CDH3: variants seen among roughly 807,000 people sequenced by gnomAD.
CDH3 encodes cadherin 3.
In CDH3, 54 loss-of-function variants were observed where a neutral mutation model predicts 82.0. The ratio of observed to expected loss-of-function variants is 0.66; its 90% CI spans 0.53 to 0.83. The LOEUF (loss-of-function observed/expected upper bound fraction) is 0.83, where lower values mean the gene tolerates loss of function less well. CDH3 is among the 40% of genes least tolerant of loss of function. The pLI, the probability that CDH3 is intolerant of heterozygous loss-of-function variation, is 0.00. For missense variants in CDH3, 1,054 were observed against 1,084.6 expected (o/e 0.97, Z 0.40); for synonymous variants, 446 against 437.9 (o/e 1.02, Z -0.23).
intron 6 of CDH3, 121 bp from the exon 7 acceptor site, chr16:68,679,678 G>C: frequency 1.5e-6 from 1 of 648,474 alleles, no homozygotes; most frequent in South Asian, 1.8e-5. Flanking sequence ...CTGGGTGATA[G>C]AGTGAGACTT....
chr16:68,676,995 C>A (rs1237773070), intron 3 of CDH3, among the ~76,000 whole-genome samples: 1 of 152,206 alleles, frequency 6.6e-6, no homozygotes, highest in Non-Finnish European at 1.5e-5. Context: ...CCCTTCACCC[C>A]TTCACGCAGT....
intron 13 of CDH3, 90 bp downstream of exon 13, chr16:68,692,016 C>G (rs1414578277): frequency 3.0e-6 from 3 of 1,012,770 alleles, no homozygotes; most frequent in Admixed American, 4.4e-5. Context: ...AACTAAGAGG[C>G]CACCAACATT....
At chr16:68,665,113 T>C (rs1173647898) in intron 2 of CDH3, among the ~76,000 whole-genome samples, 2 of 152,124 alleles carry the variant, frequency 1.3e-5, no homozygotes, top group African/African-American at 2.4e-5. Flanking sequence ...ATTGTGCTTT[T>C]TAAAGCACAA....
chr16:68,686,441 C>T (rs4783664), intron 11 of CDH3: 655,624 of 1,362,024 alleles, frequency 0.48, 161,974 homozygotes, highest in East Asian at 0.59. Flanking sequence ...TTGAAAGGAG[C>T]GCCGCTGAAA....
intron 1 of CDH3, among the ~76,000 whole-genome samples, chr16:68,712,791 C>G (rs918832098): frequency 1.3e-5 from 2 of 152,036 alleles, no homozygotes; most frequent in African/African-American, 4.8e-5. Flanking sequence ...AAGCAATTCT[C>G]CTGCCTCAGC....
intron 2 of CDH3, among the ~76,000 whole-genome samples, chr16:68,654,713 A>AAAAAAAT (rs113117523): frequency 2.3e-4 from 21 of 91,124 alleles, no homozygotes; most frequent in African/African-American, 8.2e-4. Context: ...AAAAAAAAAA[A>AAAAAAAT]ATATATATAT....
At chr16:68,677,197 C>T (rs754713038) in intron 3 of CDH3, among the ~76,000 whole-genome samples, 11 of 152,272 alleles carry the variant, frequency 7.2e-5, no homozygotes, top group Non-Finnish European at 1.5e-4. Context: ...TCTTTTTCTA[C>T]TTAACAGTGT....
chr16:68,645,374 G>A lies in CDH3; in HGVS notation c.-6G>A, dbSNP rs1286098791. The A allele has an allele frequency of 1.9e-6, 3 of 1,613,088 alleles. No homozygotes were observed. The highest frequency in any genetic ancestry group is 1.7e-5 in the Admixed American group (1 of 60,008). On this transcript the variant is annotated 5_prime_UTR_variant, in exon 1 of 16. Coordinates refer to ENST00000264012, the MANE Select transcript of CDH3 (RefSeq NM_001793.6). ...CGGCAGCTGCTTCACCCCTCTCTCT[G>A]CAGCCATGGGGCTCCCTCGTGGACC... is the stretch of plus-strand genomic sequence containing the variant.
chr16:68,680,753 C>G (rs1024065137), intron 7 of CDH3, among the ~76,000 whole-genome samples: 47 of 152,140 alleles, frequency 3.1e-4, no homozygotes, highest in Non-Finnish European at 1.6e-4. Context: ...AGGACAGGCC[C>G]AGGAGAACTA....
At chr16:68,647,172 G>A (rs1458056384) in intron 2 of CDH3, among the ~76,000 whole-genome samples, 1 of 152,134 alleles carries the variant, frequency 6.6e-6, no homozygotes, top group Non-Finnish European at 1.5e-5. Flanking sequence ...CTGTAAAAAT[G>A]TGAATTCGGG....
intron 2 of CDH3, among the ~76,000 whole-genome samples, chr16:68,671,536 T>TC (rs1411752570): frequency 6.7e-6 from 1 of 149,730 alleles, no homozygotes; most frequent in Non-Finnish European, 1.5e-5. Flanking sequence ...TTTTTTTTTT[T>TC]TTTTGAGATG....
chr16:68,691,674 C>A (rs1436356761), intron 12 of CDH3, 46 bp from the exon 13 acceptor site: 1 of 1,463,408 alleles, frequency 6.8e-7, no homozygotes, highest in Non-Finnish European at 9.6e-7. Context: ...ACTCAGATCC[C>A]CGCACTGATG....
chr16:68,646,021 AC>A, intron 2 of CDH3: 1 of 492,226 alleles, frequency 2.0e-6, no homozygotes, highest in Non-Finnish European at 3.6e-6. Context: ...TGAGCCCCTC[AC>A]CCAGTCTCGA....
At chr16:68,669,274 G>C (rs1451504146) in intron 2 of CDH3, among the ~76,000 whole-genome samples, 1 of 152,136 alleles carries the variant, frequency 6.6e-6, no homozygotes, top group Non-Finnish European at 1.5e-5. Context: ...GGTGTTTGAA[G>C]CTTATTCCTA....
chr16:68,654,030 A>G (rs1597791249), intron 2 of CDH3, among the ~76,000 whole-genome samples: 1 of 146,380 alleles, frequency 6.8e-6, no homozygotes, highest in East Asian at 2.0e-4. Flanking sequence ...TGTCTTGAGA[A>G]CTTTCTGGGT....
At chr16:68,666,102 C>G (rs1307902817) in intron 2 of CDH3, among the ~76,000 whole-genome samples, 2 of 151,890 alleles carry the variant, frequency 1.3e-5, no homozygotes, top group Non-Finnish European at 2.9e-5. Context: ...GCAGAGGGCC[C>G]GAGTCTGAAT....
intron 2 of CDH3, among the ~76,000 whole-genome samples, chr16:68,659,521 G>A (rs2152092836): frequency 6.6e-6 from 1 of 151,594 alleles, no homozygotes; most frequent in African/African-American, 2.4e-5. Flanking sequence ...GTTGCAGTGA[G>A]CCAAGATCAT....
chr16:68,708,264 T>C (rs1416094822), intron 1 of CDH3, among the ~76,000 whole-genome samples: 2 of 151,214 alleles, frequency 1.3e-5, no homozygotes, highest in Non-Finnish European at 2.9e-5. Flanking sequence ...GAGGTGGAGG[T>C]TGCAGCAAGT....
downstream of CDH3, among the ~76,000 whole-genome samples, chr16:68,704,837 T>G (rs899532354): frequency 1.3e-5 from 2 of 152,210 alleles, no homozygotes; most frequent in Non-Finnish European, 2.9e-5. Flanking sequence ...GGAAAAATCA[T>G]TTGAGCCCAG....
Sources: gnomAD v4.1 joint callset for allele counts (sites outside exome capture counted in the v4.1 genomes callset) on GRCh38, gnomAD v4.1.1 for gene constraint, MANE v1.5 for transcripts, NCBI Gene and HGNC (gene_info 2026-07-23, HGNC 2026-07-21) for gene names.